Variants in POU3F3 observed in about 807,000 individuals in gnomAD.
The protein encoded by POU3F3 is POU domain, class 3, transcription factor 3.
A neutral mutation model predicts 8.6 loss-of-function variants in POU3F3; 1 was observed. That is an observed-to-expected ratio of 0.12 (90% CI 0.04 to 0.55). POU3F3 has a LOEUF of 0.55. Among genes scored for constraint, POU3F3 ranks in the 20% least tolerant of loss-of-function variants. The pLI is 0.91. For missense variants in POU3F3, 577 were observed against 690.7 expected, an observed-to-expected ratio of 0.84 and a Z score of 1.84; for synonymous variants, 418 against 327.4, an observed-to-expected ratio of 1.28 and a Z score of -2.99.
chr2:104,919,113 C>T, the POU3F3 span, among the ~76,000 whole-genome samples: 21 of 152,216 alleles, frequency 1.4e-4, no homozygotes, highest in Middle Eastern at 3.4e-3. Context: ...TCAGGTGATC[C>T]GCCCACCTCG....
chr2:104,905,584 A>T, the POU3F3 span, among the ~76,000 whole-genome samples: 3 of 152,258 alleles, frequency 2.0e-5, no homozygotes, highest in Admixed American at 6.5e-5. Flanking sequence ...TCTGCAAGCC[A>T]GAAGTTCAAA....
the POU3F3 span, among the ~76,000 whole-genome samples, chr2:104,924,550 A>G: frequency 6.6e-6 from 1 of 152,214 alleles, no homozygotes; most frequent in Non-Finnish European, 1.5e-5. Flanking sequence ...TCCAAGAAGC[A>G]TCACATTTCA....
downstream of POU3F3, among the ~76,000 whole-genome samples, chr2:104,860,133 G>C (rs939716791): frequency 6.6e-6 from 1 of 152,228 alleles, no homozygotes; most frequent in Non-Finnish European, 1.5e-5. Context: ...GCTAACATTA[G>C]ATTTCACACT....
Position 104,856,441 on chromosome 2 carries a change from C to A in POU3F3, c.931C>A (p.His311Asn). ...AGPGLNSHDP[H>N]SDEDTPTSDD... ...GCCTGGACTCAACAGCCACGACCCGCACTCGGACGAGGACACGCCGACGTC... is the reference window on the plus strand; with the variant it reads ...GCCTGGACTCAACAGCCACGACCCGAACTCGGACGAGGACACGCCGACGTC... The change falls in exon 1 of 1, where the codon CAC becomes AAC. Residue 311 changes from histidine (H) to asparagine (N), a missense_variant. By Grantham distance (68) the His-to-Asn change is moderately conservative (BLOSUM62 1). Around this residue, in one of 7 missense-constraint regions of POU3F3, gnomAD observed 20 missense variants for 107.7 expected, o/e 0.19. Coordinates refer to ENST00000361360, the MANE Select transcript of POU3F3 (RefSeq NM_006236.3). 1 of 1,611,594 alleles carries A rather than the reference C, an allele frequency of 6.2e-7. No homozygotes were observed. Among genetic ancestry groups the A allele is most frequent in the Non-Finnish European group, 8.5e-7 (1 of 1,179,440 alleles).
chr2:104,924,447 T>C, the POU3F3 span, among the ~76,000 whole-genome samples: 1 of 152,194 alleles, frequency 6.6e-6, no homozygotes, highest in African/African-American at 2.4e-5. Flanking sequence ...TTATTTAAGG[T>C]TATGGAAAGA....
the POU3F3 span, among the ~76,000 whole-genome samples, chr2:104,873,481 G>T: frequency 6.6e-6 from 1 of 152,128 alleles, no homozygotes; most frequent in Admixed American, 6.5e-5. Flanking sequence ...ACGGGGCCAC[G>T]CGTAGTGCCA....
Position 104,855,373 on chromosome 2 carries a change from G to C in POU3F3, c.-138G>C. On this transcript the variant is annotated 5_prime_UTR_variant, in exon 1 of 1. Transcript: ENST00000361360. ...AAGGCGGCGGGGCCGGCGGGGGCCC[G>C]GGGCGGGGGCGGGGAAGGAGGGGGG... The C allele has an allele frequency of 1.4e-5, 4 of 287,662 alleles. No homozygotes were observed. The highest frequency in any genetic ancestry group is 2.0e-5 in the Non-Finnish European group (4 of 202,228). 17.8% of individuals were successfully genotyped at this position (287,662 alleles called of 1,614,324 possible).
the POU3F3 span, among the ~76,000 whole-genome samples, chr2:104,898,763 G>A: frequency 6.6e-5 from 10 of 152,086 alleles, no homozygotes; most frequent in East Asian, 3.9e-4. Context: ...CAATCTTTTC[G>A]TACCTTTTTC....
chr2:104,857,033 G>T lies in POU3F3; in HGVS notation c.*20G>T. The T allele has an allele frequency of 6.7e-7, 1 of 1,488,558 alleles. No individual in the cohort carries two copies. 92.2% of individuals were successfully genotyped at this position (1,488,558 alleles called of 1,614,324 possible). On this transcript the variant is annotated 3_prime_UTR_variant, in exon 1 of 1. Coordinates refer to ENST00000361360, the MANE Select transcript of POU3F3 (RefSeq NM_006236.3). Reference sequence around the variant, plus strand: ...CAGTGAAGCCAGGGCGCAGAGCGAAGAGGGCCGCCGCCGCCGCCGCCTCCG... The same window carrying T: ...CAGTGAAGCCAGGGCGCAGAGCGAATAGGGCCGCCGCCGCCGCCGCCTCCG...
chr2:104,912,132 A>G, the POU3F3 span, among the ~76,000 whole-genome samples: 1 of 152,104 alleles, frequency 6.6e-6, no homozygotes, highest in Non-Finnish European at 1.5e-5. Flanking sequence ...CCCTCCAGGG[A>G]TTCGGAGCAG....
the POU3F3 span, among the ~76,000 whole-genome samples, chr2:104,927,592 G>GA: frequency 1.3e-5 from 2 of 151,884 alleles, no homozygotes; most frequent in Non-Finnish European, 2.9e-5. Flanking sequence ...TCTATCTCTA[G>GA]AAAATTTTTT....
chr2:104,888,371 C>G, the POU3F3 span, among the ~76,000 whole-genome samples: 1 of 152,164 alleles, frequency 6.6e-6, no homozygotes, highest in African/African-American at 2.4e-5. Context: ...GAAAACATTT[C>G]TGGATAGAAG....
the POU3F3 span, among the ~76,000 whole-genome samples, chr2:104,868,971 C>T: frequency 6.6e-6 from 1 of 152,284 alleles, no homozygotes; most frequent in East Asian, 1.9e-4. Flanking sequence ...ACGTGAACAA[C>T]ATTACATAAA....
At chr2:104,921,265 G>A in the POU3F3 span, among the ~76,000 whole-genome samples, 3 of 152,084 alleles carry the variant, frequency 2.0e-5, no homozygotes, top group Non-Finnish European at 4.4e-5. Flanking sequence ...GTGCATGAAG[G>A]GGGTGCTGTC....
At chr2:104,878,427 A>C in the POU3F3 span, among the ~76,000 whole-genome samples, 9 of 152,344 alleles carry the variant, frequency 5.9e-5, no homozygotes, top group African/African-American at 2.2e-4. Flanking sequence ...ACCTGCACGT[A>C]CTACAGTATA....
the POU3F3 span, among the ~76,000 whole-genome samples, chr2:104,899,583 A>T: frequency 5.3e-5 from 8 of 152,366 alleles, no homozygotes; most frequent in African/African-American, 1.9e-4. Flanking sequence ...GGCTTGGAGA[A>T]GATTTCTTGG....
At chr2:104,902,681 A>G in the POU3F3 span, among the ~76,000 whole-genome samples, 3 of 152,168 alleles carry the variant, frequency 2.0e-5, no homozygotes, top group Non-Finnish European at 4.4e-5. Context: ...TATAGCAAAA[A>G]TATGGCAGCT....
At chr2:104,911,414 CAAA>C in the POU3F3 span, among the ~76,000 whole-genome samples, 4 of 60,966 alleles carry the variant, frequency 6.6e-5, no homozygotes, top group African/African-American at 6.7e-5. Flanking sequence ...GACTCCGTCT[CAAA>C]AAAAAAAAAA....
At chr2:104,900,110 G>A in the POU3F3 span, among the ~76,000 whole-genome samples, 1 of 152,176 alleles carries the variant, frequency 6.6e-6, no homozygotes, top group Non-Finnish European at 1.5e-5. Context: ...GATGAAAATG[G>A]GCAGAGCAGC....
Sources: gnomAD v4.1 joint callset for allele counts (sites outside exome capture counted in the v4.1 genomes callset) on GRCh38, gnomAD v4.1.1 for gene constraint, gnomAD v4.1.1 regional missense constraint, MANE v1.5 for transcripts, NCBI Gene and HGNC (gene_info 2026-07-23, HGNC 2026-07-21) for gene names.